Variants in DACH1 observed in about 807,000 individuals in gnomAD.
DACH1 encodes dachshund family transcription factor 1.
A neutral mutation model predicts 54.2 loss-of-function variants in DACH1; 12 were observed. That is an observed-to-expected ratio of 0.22 (90% confidence interval 0.14 to 0.36). The LOEUF (loss-of-function observed/expected upper bound fraction) is 0.36, where lower values mean the gene tolerates loss of function less well. Ranked by LOEUF, DACH1 falls within the 10% of genes least tolerant of loss-of-function variation. DACH1 has a pLI of 1.00. For synonymous variants in DACH1, 386 were observed against 366.2 expected, an observed-to-expected ratio of 1.05 and a Z score of -0.62; for missense variants, 805 against 929.8, an observed-to-expected ratio of 0.87 and a Z score of 1.75.
At chr13:71,765,383 G>A (rs1467944840) in intron 1 of DACH1, among the ~76,000 whole-genome samples, 1 of 152,086 alleles carries the variant, frequency 6.6e-6, no homozygotes, top group African/African-American at 2.4e-5. Context: ...TTCAGTAAAG[G>A]CTCTTTTTAT....
At chr13:71,816,678 A>ATATGTGTG (rs1887967977) in intron 1 of DACH1, among the ~76,000 whole-genome samples, 2 of 133,908 alleles carry the variant, frequency 1.5e-5, no homozygotes, top group African/African-American at 2.8e-5. Context: ...ATATACACAC[A>ATATGTGTG]TATATATATA....
chr13:71,848,807 G>T (rs561056860), intron 1 of DACH1, among the ~76,000 whole-genome samples: 5 of 152,234 alleles, frequency 3.3e-5, no homozygotes, highest in African/African-American at 1.2e-4. Context: ...TTACAGGTGT[G>T]AGCTACCTCA....
At chr13:71,583,830 G>A (rs1873029246) in intron 3 of DACH1, among the ~76,000 whole-genome samples, 1 of 152,098 alleles carries the variant, frequency 6.6e-6, no homozygotes, top group Admixed American at 6.6e-5. Context: ...GCAAGACCCT[G>A]TCTCAAATAA....
intron 1 of DACH1, among the ~76,000 whole-genome samples, chr13:71,785,643 T>C (rs1391589255): frequency 6.6e-6 from 1 of 152,204 alleles, no homozygotes; most frequent in Non-Finnish European, 1.5e-5. Flanking sequence ...CTCTGTTGAC[T>C]GGGCTCAGCT....
At chr13:71,578,817 T>C (rs1885693258) in intron 3 of DACH1, among the ~76,000 whole-genome samples, 1 of 152,116 alleles carries the variant, frequency 6.6e-6, no homozygotes, top group South Asian at 2.1e-4. Context: ...GCAGAGTAGG[T>C]CAGCACATTT....
intron 6 of DACH1, among the ~76,000 whole-genome samples, chr13:71,498,443 C>T (rs1879627648): frequency 6.6e-6 from 1 of 152,142 alleles, no homozygotes; most frequent in Admixed American, 6.6e-5. Context: ...ACTAAAAATA[C>T]CTTCTATTGG....
intron 1 of DACH1, among the ~76,000 whole-genome samples, chr13:71,740,854 G>A (rs1051947946): frequency 6.6e-6 from 1 of 152,010 alleles, no homozygotes; most frequent in Non-Finnish European, 1.5e-5. Context: ...TTATAACATA[G>A]ATTTGAATAT....
intron 3 of DACH1, among the ~76,000 whole-genome samples, chr13:71,597,364 A>AT (rs1353820568): frequency 1.3e-5 from 2 of 152,226 alleles, no homozygotes; most frequent in Admixed American, 1.3e-4. Context: ...ATAAGTATAC[A>AT]TAATTTTTTT....
At chr13:71,820,071 A>C (rs540812845) in intron 1 of DACH1, among the ~76,000 whole-genome samples, 2 of 131,362 alleles carry the variant, frequency 1.5e-5, no homozygotes, top group South Asian at 5.5e-4. Context: ...GTTTGAGACC[A>C]GCTTCGGCAA....
chr13:71,746,099 C>T (rs1594168713), intron 1 of DACH1, among the ~76,000 whole-genome samples: 1 of 151,992 alleles, frequency 6.6e-6, no homozygotes, highest in African/African-American at 2.4e-5. Context: ...ACGCCTGTAA[C>T]CCCAGCTACT....
intron 6 of DACH1, among the ~76,000 whole-genome samples, chr13:71,502,078 G>T (rs1879964983): frequency 6.6e-6 from 1 of 152,034 alleles, no homozygotes; most frequent in African/African-American, 2.4e-5. Flanking sequence ...ATTAATATGT[G>T]CATTCAAGTT....
intron 1 of DACH1, among the ~76,000 whole-genome samples, chr13:71,835,035 C>T (rs1447108966): frequency 6.6e-6 from 1 of 151,998 alleles, no homozygotes; most frequent in Non-Finnish European, 1.5e-5. Context: ...GAAAAGCAAG[C>T]TTGCCAAAAT....
chr13:71,788,968 A>T (rs1886722540), intron 1 of DACH1, among the ~76,000 whole-genome samples: 1 of 152,154 alleles, frequency 6.6e-6, no homozygotes, highest in African/African-American at 2.4e-5. Flanking sequence ...GACAAATATG[A>T]TACCAAGTTC....
intron 6 of DACH1, among the ~76,000 whole-genome samples, chr13:71,526,112 T>G (rs1881936602): frequency 6.6e-6 from 1 of 152,202 alleles, no homozygotes; most frequent in Non-Finnish European, 1.5e-5. Context: ...ATTTTTCTAC[T>G]GCATTCTGTC....
chr13:71,499,429 C>T (rs1879729724), intron 6 of DACH1, among the ~76,000 whole-genome samples: 1 of 152,104 alleles, frequency 6.6e-6, no homozygotes, highest in African/African-American at 2.4e-5. Flanking sequence ...GTTCTAAGAG[C>T]ACAACGGAAA....
At chr13:71,636,471 T>A (rs1464328778) in intron 2 of DACH1, among the ~76,000 whole-genome samples, 1 of 151,856 alleles carries the variant, frequency 6.6e-6, no homozygotes, top group African/African-American at 2.4e-5. Context: ...AGATGCTTTA[T>A]AATTCCTTCA....
intron 6 of DACH1, among the ~76,000 whole-genome samples, chr13:71,516,466 T>C (rs916487998): frequency 6.6e-6 from 1 of 151,920 alleles, no homozygotes; most frequent in African/African-American, 2.4e-5. Flanking sequence ...ATCACGTACC[T>C]GTATTTTAGC....
At chr13:71,612,710 T>C (rs930369266) in intron 3 of DACH1, among the ~76,000 whole-genome samples, 4 of 152,274 alleles carry the variant, frequency 2.6e-5, no homozygotes, top group Middle Eastern at 6.8e-3. Flanking sequence ...TAGACGTGCA[T>C]TGTACAAGAA....
At chr13:71,714,846 G>A (rs1009610301) in intron 1 of DACH1, among the ~76,000 whole-genome samples, 2 of 151,984 alleles carry the variant, frequency 1.3e-5, no homozygotes, top group Non-Finnish European at 2.9e-5. Flanking sequence ...ATGAAGCCAA[G>A]AAATAAAATA....
Sources: gnomAD v4.1 joint callset for allele counts (sites outside exome capture counted in the v4.1 genomes callset) on GRCh38, gnomAD v4.1.1 for gene constraint, MANE v1.5 for transcripts, NCBI Gene and HGNC (gene_info 2026-07-23, HGNC 2026-07-21) for gene names.